Variants in CREB5 observed in about 807,000 individuals in gnomAD.
The protein encoded by CREB5 is cyclic AMP-responsive element-binding protein 5.
CREB5 carries 19 observed loss-of-function variants against 57.1 expected under a neutral mutation model. That is an observed-to-expected ratio of 0.33 (90% CI 0.23 to 0.49). The LOEUF (loss-of-function observed/expected upper bound fraction) is 0.49, where lower values mean the gene tolerates loss of function less well. Among genes scored for constraint, CREB5 ranks in the 20% least tolerant of loss-of-function variants. The pLI, the probability that CREB5 is intolerant of heterozygous loss-of-function variation, is 0.99. For synonymous variants in CREB5, 238 were observed against 238.3 expected, an observed-to-expected ratio of 1.00 and a Z score of 0.01; for missense variants, 579 against 671.6, an observed-to-expected ratio of 0.86 and a Z score of 1.52.
intron 1 of CREB5, among the ~76,000 whole-genome samples, chr7:28,304,325 A>G (rs1368719233): frequency 6.6e-6 from 1 of 152,240 alleles, no homozygotes; most frequent in East Asian, 1.9e-4. Flanking sequence ...GACTTATAGT[A>G]CAAGAGGATA....
intron 1 of CREB5, among the ~76,000 whole-genome samples, chr7:28,360,517 G>A (rs550026033): frequency 6.6e-6 from 1 of 152,274 alleles, no homozygotes; most frequent in Non-Finnish European, 1.5e-5. Flanking sequence ...ATCTAAAACA[G>A]TCAGACTCAC....
At chr7:28,697,825 T>C (rs1007797821) in intron 5 of CREB5, among the ~76,000 whole-genome samples, 11 of 152,192 alleles carry the variant, frequency 7.2e-5, no homozygotes, top group African/African-American at 2.7e-4. Flanking sequence ...TATGAGCAGG[T>C]GGACACGTGT....
chr7:28,815,302 G>A (rs1261277592), intron 9 of CREB5, among the ~76,000 whole-genome samples: 1 of 152,054 alleles, frequency 6.6e-6, no homozygotes, highest in African/African-American at 2.4e-5. Flanking sequence ...AAAAGAATAT[G>A]TTCATATTCA....
intron 1 of CREB5, among the ~76,000 whole-genome samples, chr7:28,357,038 T>A (rs936284550): frequency 2.0e-5 from 3 of 152,176 alleles, no homozygotes; most frequent in African/African-American, 7.2e-5. Context: ...CCAAGGGCCC[T>A]GGCACACACT....
intron 1 of CREB5, among the ~76,000 whole-genome samples, chr7:28,451,287 T>A (rs1183098530): frequency 6.6e-6 from 1 of 152,178 alleles, no homozygotes; most frequent in African/African-American, 2.4e-5. Context: ...GTGGCTGGCA[T>A]CTAAGATTCC....
intron 7 of CREB5, among the ~76,000 whole-genome samples, chr7:28,797,297 T>C (rs1808104498): frequency 1.3e-5 from 2 of 152,212 alleles, no homozygotes; most frequent in Non-Finnish European, 2.9e-5. Flanking sequence ...GGATGGTACT[T>C]CATCCTGTGA....
chr7:28,730,424 A>T (rs1252771470), intron 7 of CREB5, among the ~76,000 whole-genome samples: 1 of 151,848 alleles, frequency 6.6e-6, no homozygotes, highest in South Asian at 2.1e-4. Flanking sequence ...GGTTCAAGCA[A>T]TCCTCACACT....
intron 5 of CREB5, among the ~76,000 whole-genome samples, chr7:28,669,092 T>C (rs891280846): frequency 2.0e-5 from 3 of 152,190 alleles, no homozygotes; most frequent in Non-Finnish European, 2.9e-5. Flanking sequence ...AAACATTTGA[T>C]ATGGGTCTCA....
At chr7:28,515,302 G>A (rs1269128386) in intron 4 of CREB5, among the ~76,000 whole-genome samples, 1 of 152,152 alleles carries the variant, frequency 6.6e-6, no homozygotes, top group East Asian at 1.9e-4. Context: ...ACCTCTCTGG[G>A]TGTCCAGCTC....
At chr7:28,316,478 C>G (rs1785384959) in intron 1 of CREB5, among the ~76,000 whole-genome samples, 1 of 151,998 alleles carries the variant, frequency 6.6e-6, no homozygotes, top group Non-Finnish European at 1.5e-5. Context: ...AGAGACAAAT[C>G]AATCAGGATA....
chr7:28,573,758 A>C (rs1795795493), intron 5 of CREB5, among the ~76,000 whole-genome samples: 1 of 152,290 alleles, frequency 6.6e-6, no homozygotes, highest in South Asian at 2.1e-4. Context: ...TTTGGGGACA[A>C]AGGGTAGGCA....
chr7:28,813,112 G>A (rs1174753437), intron 9 of CREB5, among the ~76,000 whole-genome samples: 1 of 152,230 alleles, frequency 6.6e-6, no homozygotes, highest in African/African-American at 2.4e-5. Context: ...TGTGGAGAAA[G>A]AAACTGAGGT....
intron 1 of CREB5, among the ~76,000 whole-genome samples, chr7:28,373,273 G>A (rs1394846898): frequency 1.3e-5 from 2 of 152,128 alleles, no homozygotes; most frequent in Middle Eastern, 3.2e-3. Context: ...AGAGATTTCA[G>A]TAAGTTGCTC....
chr7:28,349,270 CA>C (rs1267777940), intron 1 of CREB5, among the ~76,000 whole-genome samples: 8 of 152,112 alleles, frequency 5.3e-5, no homozygotes, highest in African/African-American at 1.9e-4. Context: ...CAAAGTGCAC[CA>C]ACGATATTTT....
intron 1 of CREB5, among the ~76,000 whole-genome samples, chr7:28,401,273 T>C (rs1430131103): frequency 6.6e-6 from 1 of 152,120 alleles, no homozygotes; most frequent in Non-Finnish European, 1.5e-5. Context: ...TTAAATTTTA[T>C]AGAGTAGTGA....
intron 1 of CREB5, among the ~76,000 whole-genome samples, chr7:28,461,042 CA>C (rs1187959111): frequency 6.0e-5 from 9 of 148,918 alleles, no homozygotes; most frequent in Non-Finnish European, 1.0e-4. Context: ...ACAACACAAA[CA>C]AAAAAAAACA....
At chr7:28,417,766 G>T (rs1788084471) in intron 1 of CREB5, among the ~76,000 whole-genome samples, 1 of 152,046 alleles carries the variant, frequency 6.6e-6, no homozygotes, top group African/African-American at 2.4e-5. Flanking sequence ...CAGAGTTCAA[G>T]GGCAGCAAGC....
At chr7:28,604,222 T>A (rs1431078325) in intron 5 of CREB5, among the ~76,000 whole-genome samples, 1 of 152,156 alleles carries the variant, frequency 6.6e-6, no homozygotes, top group African/African-American at 2.4e-5. Context: ...TTTGACTAGA[T>A]CTCACCACCT....
chr7:28,325,257 C>T (rs557578358), intron 1 of CREB5, among the ~76,000 whole-genome samples: 46 of 152,240 alleles, frequency 3.0e-4, no homozygotes, highest in Middle Eastern at 3.4e-3. Flanking sequence ...GAGATCGAGA[C>T]CATCTGGCTA....
Sources: gnomAD v4.1 joint callset for allele counts (sites outside exome capture counted in the v4.1 genomes callset) on GRCh38, gnomAD v4.1.1 for gene constraint, MANE v1.5 for transcripts, NCBI Gene and HGNC (gene_info 2026-07-23, HGNC 2026-07-21) for gene names.